The following ANTXR1 variants were observed in gnomAD, a reference collection of about 807,000 sequenced individuals.
ANTXR1 encodes the protein ANTXR cell adhesion molecule 1.
ANTXR1 carries 19 observed loss-of-function variants against 78.1 expected under a neutral mutation model. The ratio of observed to expected loss-of-function variants is 0.24; its 90% confidence interval spans 0.17 to 0.36. ANTXR1 has a LOEUF of 0.36. Ranked by LOEUF, ANTXR1 falls within the 10% of genes least tolerant of loss-of-function variation. ANTXR1 has a pLI of 1.00. For missense variants in ANTXR1, 518 were observed against 718.6 expected, an observed-to-expected ratio of 0.72 and a Z score of 3.19; for synonymous variants, 273 against 260.5, an observed-to-expected ratio of 1.05 and a Z score of -0.46.
chr2:69,050,672 G>A (rs1310191266), intron 3 of ANTXR1, among the ~76,000 whole-genome samples: 1 of 152,082 alleles, frequency 6.6e-6, no homozygotes, highest in African/African-American at 2.4e-5. Flanking sequence ...AGCTTTTTGT[G>A]TTATTGCTTT....
chr2:69,169,402 A>G (rs184515514), intron 13 of ANTXR1, among the ~76,000 whole-genome samples: 1 of 152,378 alleles, frequency 6.6e-6, no homozygotes, highest in East Asian at 1.9e-4. Context: ...GCCAAATGCC[A>G]TGTAAGAGAC....
At chr2:69,199,686 T>C (rs1558640596) in intron 17 of ANTXR1, among the ~76,000 whole-genome samples, 1 of 152,194 alleles carries the variant, frequency 6.6e-6, no homozygotes, top group African/African-American at 2.4e-5. Flanking sequence ...TTAATTGTTC[T>C]GTGATGAGGT....
chr2:69,124,553 T>C lies in ANTXR1; in HGVS notation c.873-12T>C. The stretch of plus-strand genomic sequence containing the variant: ...CCCTGCTGAGAGTCTGCTTCCCTTG[T>C]TGTCATTGCAGGAAAGCTGCACTCC... On this transcript the variant is annotated splice_polypyrimidine_tract_variant and intron_variant, in intron 11 of 17. Transcript: ENST00000303714. The C allele has an allele frequency of 6.2e-7, 1 of 1,613,730 alleles. No individual in the cohort carries two copies. Among genetic ancestry groups the C allele is most frequent in the Non-Finnish European group, 8.5e-7 (1 of 1,179,614 alleles).
intron 9 of ANTXR1, among the ~76,000 whole-genome samples, chr2:69,092,811 C>T (rs1671282736): frequency 6.6e-6 from 1 of 152,144 alleles, no homozygotes; most frequent in South Asian, 2.1e-4. Context: ...CACCTCTGGG[C>T]TTTGTGTGCT....
chr2:69,141,951 A>G (rs78007366), intron 12 of ANTXR1, among the ~76,000 whole-genome samples: 3,351 of 152,306 alleles, frequency 0.022, 127 homozygotes, highest in African/African-American at 0.076. Context: ...TCAGTCTTAA[A>G]AATAATTTTA....
At chr2:69,045,812 T>C (rs1184779887) in intron 3 of ANTXR1, among the ~76,000 whole-genome samples, 1 of 152,118 alleles carries the variant, frequency 6.6e-6, no homozygotes, top group African/African-American at 2.4e-5. Context: ...TGATCTACTA[T>C]ATGCATGCAT....
intron 3 of ANTXR1, among the ~76,000 whole-genome samples, chr2:69,065,775 A>G (rs1276930484): frequency 6.6e-6 from 1 of 152,252 alleles, no homozygotes; most frequent in Non-Finnish European, 1.5e-5. Context: ...GTAGAACTTC[A>G]TAACTCCTAA....
chr2:69,241,984 G>A (rs910014666), intron 17 of ANTXR1, among the ~76,000 whole-genome samples: 1 of 152,158 alleles, frequency 6.6e-6, no homozygotes, highest in Non-Finnish European at 1.5e-5. Flanking sequence ...GAAGCTCTGA[G>A]CTTGCCCCTC....
At chr2:69,191,996 T>A (rs1433799277) in intron 16 of ANTXR1, among the ~76,000 whole-genome samples, 1 of 152,170 alleles carries the variant, frequency 6.6e-6, no homozygotes, top group Non-Finnish European at 1.5e-5. Flanking sequence ...TTACATTCAT[T>A]CCTCCAACAA....
At chr2:69,113,299 G>A (rs1558561224) in intron 10 of ANTXR1, among the ~76,000 whole-genome samples, 1 of 152,156 alleles carries the variant, frequency 6.6e-6, no homozygotes, top group Non-Finnish European at 1.5e-5. Context: ...CCTTCCCCAT[G>A]CAATACTGCT....
intron 4 of ANTXR1, 124 bp from the exon 5 acceptor site, chr2:69,071,630 G>T: frequency 1.1e-6 from 1 of 931,762 alleles, no homozygotes; most frequent in Non-Finnish European, 1.8e-6. Context: ...AAGCCTGGGT[G>T]AATTACATAA....
intron 10 of ANTXR1, among the ~76,000 whole-genome samples, chr2:69,111,796 GTTT>G (rs1671989374): frequency 6.6e-6 from 1 of 152,218 alleles, no homozygotes; most frequent in South Asian, 2.1e-4. Flanking sequence ...AGAGGGTGTT[GTTT>G]TCAAAAACAT....
intron 10 of ANTXR1, among the ~76,000 whole-genome samples, chr2:69,113,574 T>C (rs1672055645): frequency 6.6e-6 from 1 of 152,112 alleles, no homozygotes; most frequent in South Asian, 2.1e-4. Context: ...GTGCCCAAGT[T>C]CTCCTTCCCA....
chr2:69,179,524 CAA>C (rs59914010), intron 14 of ANTXR1, among the ~76,000 whole-genome samples: 6 of 135,842 alleles, frequency 4.4e-5, no homozygotes, highest in East Asian at 4.1e-4. Context: ...ACCCTGTCTC[CAA>C]AAAAAAAAAA....
At chr2:69,042,065 TTTA>T (rs572073712) in intron 2 of ANTXR1, among the ~76,000 whole-genome samples, 95 of 152,312 alleles carry the variant, frequency 6.2e-4, no homozygotes, top group African/African-American at 2.2e-3. Context: ...TTTTCATTTA[TTTA>T]TTCATTTTAA....
At chr2:69,159,077 T>C (rs532972885) in intron 13 of ANTXR1, among the ~76,000 whole-genome samples, 1 of 152,274 alleles carries the variant, frequency 6.6e-6, no homozygotes, top group Admixed American at 6.5e-5. Flanking sequence ...TAATGAGTGG[T>C]TGTGTCATGG....
Position 69,245,768 on chromosome 2 carries a change from A to G in ANTXR1, c.*283A>G. Reference sequence around the variant, plus strand: ...AGTGAAACTGCAAGATGCTCTCAACAGGATTATGTCTCATGGAGACCAGTA... The same window carrying G: ...AGTGAAACTGCAAGATGCTCTCAACGGGATTATGTCTCATGGAGACCAGTA... On this transcript the variant is annotated 3_prime_UTR_variant, in exon 18 of 18. Coordinates refer to ENST00000303714, the MANE Select transcript of ANTXR1 (RefSeq NM_032208.3). 2.4e-6 allele frequency: 1 copy of G among 417,144 alleles called. No homozygotes were observed. The highest frequency in any genetic ancestry group is 4.3e-6 in the Non-Finnish European group (1 of 232,930). 25.8% of individuals were successfully genotyped at this position (417,144 alleles called of 1,614,324 possible). A position where few individuals can be genotyped will look rare whatever the true frequency, so the allele number is the denominator to read the frequency against.
chr2:69,101,052 A>G (rs1389864717), intron 9 of ANTXR1, among the ~76,000 whole-genome samples: 5 of 152,216 alleles, frequency 3.3e-5, no homozygotes, highest in African/African-American at 1.2e-4. Context: ...CAAGTCATTC[A>G]AAATGTCACA....
At chr2:69,241,065 C>T (rs893235872) in intron 17 of ANTXR1, among the ~76,000 whole-genome samples, 1 of 152,154 alleles carries the variant, frequency 6.6e-6, no homozygotes, top group Non-Finnish European at 1.5e-5. Context: ...AAATAATTGG[C>T]ATTCATTCCT....
Sources: gnomAD v4.1 joint callset for allele counts (sites outside exome capture counted in the v4.1 genomes callset) on GRCh38, gnomAD v4.1.1 for gene constraint, MANE v1.5 for transcripts, NCBI Gene and HGNC (gene_info 2026-07-23, HGNC 2026-07-21) for gene names.